The following NKAIN2 variants were observed in gnomAD, a reference collection of about 807,000 sequenced individuals.
NKAIN2 encodes the protein sodium/potassium transporting ATPase interacting 2.
A neutral mutation model predicts 32.6 loss-of-function variants in NKAIN2; 14 were observed. The ratio of observed to expected loss-of-function variants is 0.43; its 90% CI spans 0.28 to 0.67. The LOEUF (loss-of-function observed/expected upper bound fraction) is 0.67, where lower values mean the gene tolerates loss of function less well. Ranked by LOEUF, NKAIN2 falls within the 30% of genes least tolerant of loss-of-function variation. The probability of loss-of-function intolerance (pLI) is 0.17; values close to 1 mark genes in which losing one functional copy is unlikely to be tolerated. For synonymous variants in NKAIN2, 80 were observed against 87.2 expected (o/e 0.92, Z 0.46); for missense variants, 198 against 258.3 (o/e 0.77, Z 1.60).
At chr6:124,254,388 T>C (rs1793827936) in intron 1 of NKAIN2, among the ~76,000 whole-genome samples, 1 of 152,368 alleles carries the variant, frequency 6.6e-6, no homozygotes, top group Middle Eastern at 3.4e-3. Context: ...CTTTGTTTTA[T>C]GAAGAGACTG....
chr6:123,845,311 C>T (rs1775042881), intron 1 of NKAIN2, among the ~76,000 whole-genome samples: 1 of 152,190 alleles, frequency 6.6e-6, no homozygotes, highest in Admixed American at 6.5e-5. Context: ...AAATAGCTCA[C>T]AAGTCTTTTG....
chr6:124,393,611 T>C (rs116512925), intron 3 of NKAIN2, among the ~76,000 whole-genome samples: 6 of 152,188 alleles, frequency 3.9e-5, no homozygotes, highest in African/African-American at 1.2e-4. Context: ...ATTAAAAGGA[T>C]GAATCATAAT....
chr6:123,928,007 G>C (rs1296506023), intron 1 of NKAIN2, among the ~76,000 whole-genome samples: 1 of 152,114 alleles, frequency 6.6e-6, no homozygotes, highest in Non-Finnish European at 1.5e-5. Context: ...AAAGGAAAAA[G>C]AGATAATGAG....
chr6:124,282,802 A>G (rs1795363291), intron 1 of NKAIN2, among the ~76,000 whole-genome samples: 2 of 152,352 alleles, frequency 1.3e-5, no homozygotes, highest in South Asian at 2.1e-4. Flanking sequence ...AAAGGCTTGT[A>G]GGTGTCTATA....
At chr6:124,561,420 A>G (rs1223925666) in intron 3 of NKAIN2, among the ~76,000 whole-genome samples, 1 of 152,182 alleles carries the variant, frequency 6.6e-6, no homozygotes, top group Non-Finnish European at 1.5e-5. Flanking sequence ...GTGAAGTGTC[A>G]TAGCATTTGA....
chr6:124,094,731 T>A (rs1235797917), intron 1 of NKAIN2, among the ~76,000 whole-genome samples: 1 of 152,122 alleles, frequency 6.6e-6, no homozygotes, highest in African/African-American at 2.4e-5. Context: ...ATTTTTTACA[T>A]AGTGAGGCAG....
intron 1 of NKAIN2, among the ~76,000 whole-genome samples, chr6:123,839,292 A>C (rs1233914186): frequency 1.3e-5 from 2 of 152,108 alleles, no homozygotes; most frequent in Non-Finnish European, 2.9e-5. Flanking sequence ...CTTTGTAATT[A>C]ATATAATTTT....
intron 1 of NKAIN2, among the ~76,000 whole-genome samples, chr6:124,186,965 GA>G (rs1789775708): frequency 1.4e-5 from 1 of 73,694 alleles, no homozygotes; most frequent in Admixed American, 1.3e-4. Flanking sequence ...AAGTACTGAT[GA>G]TTTTTTTTAA....
At chr6:124,388,722 CT>C (rs1448376272) in intron 3 of NKAIN2, among the ~76,000 whole-genome samples, 1 of 152,028 alleles carries the variant, frequency 6.6e-6, no homozygotes. Flanking sequence ...AAATTTGAGC[CT>C]TTTAATGCAC....
intron 2 of NKAIN2, among the ~76,000 whole-genome samples, chr6:124,329,258 A>G (rs1797552714): frequency 6.6e-6 from 1 of 152,222 alleles, no homozygotes; most frequent in South Asian, 2.1e-4. Flanking sequence ...AAAACTTGGT[A>G]AAGAATTAGC....
At chr6:124,421,580 CTTTTT>C (rs200572787) in intron 3 of NKAIN2, among the ~76,000 whole-genome samples, 1 of 151,958 alleles carries the variant, frequency 6.6e-6, no homozygotes, top group Non-Finnish European at 1.5e-5. Context: ...CTATTACTAT[CTTTTT>C]TTTGTTTTGT....
chr6:124,617,532 A>G (rs2115009596), intron 3 of NKAIN2, among the ~76,000 whole-genome samples: 1 of 152,274 alleles, frequency 6.6e-6, no homozygotes, highest in Middle Eastern at 3.4e-3. Context: ...TTCTTTAGCA[A>G]AGTTTTACCT....
At chr6:124,087,523 G>T (rs186697249) in intron 1 of NKAIN2, among the ~76,000 whole-genome samples, 111 of 151,936 alleles carry the variant, frequency 7.3e-4, no homozygotes, top group African/African-American at 2.6e-3. Flanking sequence ...AAATCTAAAA[G>T]AATTGACAAA....
At chr6:124,203,976 C>T (rs886674392) in intron 1 of NKAIN2, among the ~76,000 whole-genome samples, 8 of 151,830 alleles carry the variant, frequency 5.3e-5, no homozygotes, top group African/African-American at 1.9e-4. Context: ...AACTCATAAA[C>T]AAGCATTCAA....
intron 1 of NKAIN2, among the ~76,000 whole-genome samples, chr6:124,248,104 C>T (rs957183292): frequency 2.0e-5 from 3 of 151,998 alleles, no homozygotes; most frequent in African/African-American, 7.2e-5. Flanking sequence ...AACAAATGAG[C>T]TCCAGAATAC....
chr6:124,119,452 C>T (rs994798544), intron 1 of NKAIN2, among the ~76,000 whole-genome samples: 9 of 152,096 alleles, frequency 5.9e-5, no homozygotes, highest in African/African-American at 2.2e-4. Flanking sequence ...TAATTTATTC[C>T]TCACAGGGTT....
chr6:124,526,069 G>A (rs1045607880), intron 3 of NKAIN2, among the ~76,000 whole-genome samples: 2 of 152,090 alleles, frequency 1.3e-5, no homozygotes, highest in African/African-American at 4.8e-5. Flanking sequence ...TTTGAGGAGG[G>A]CAATGCATAT....
At chr6:124,416,415 G>A (rs1336455923) in intron 3 of NKAIN2, among the ~76,000 whole-genome samples, 1 of 152,088 alleles carries the variant, frequency 6.6e-6, no homozygotes, top group Non-Finnish European at 1.5e-5. Flanking sequence ...AGGAGGCCAA[G>A]GCACAAACTC....
chr6:123,812,564 A>AT (rs1303960396), intron 1 of NKAIN2, among the ~76,000 whole-genome samples: 1 of 152,182 alleles, frequency 6.6e-6, no homozygotes, highest in Non-Finnish European at 1.5e-5. Flanking sequence ...AGAGGTTGAC[A>AT]TGTTGCAGTA....
Sources: allele counts gnomAD v4.1 joint callset (sites outside exome capture counted in the v4.1 genomes callset), GRCh38; gene constraint gnomAD v4.1.1; transcripts MANE v1.5; gene names NCBI Gene and HGNC (gene_info 2026-07-23, HGNC 2026-07-21).